The following ARID5B variants were observed in gnomAD, a reference collection of about 807,000 sequenced individuals.
ARID5B encodes AT-rich interactive domain-containing protein 5B.
A neutral mutation model predicts 97.2 loss-of-function variants in ARID5B; 13 were observed. That is an observed-to-expected ratio of 0.13 (90% CI 0.09 to 0.21). The LOEUF (loss-of-function observed/expected upper bound fraction) is 0.21. ARID5B is among the 10% of genes least tolerant of loss of function. The probability of loss-of-function intolerance (pLI) is 1.00; values close to 1 mark genes in which losing one functional copy is unlikely to be tolerated. For missense variants in ARID5B, 1,210 were observed against 1,465.3 expected (o/e 0.83, Z 2.84); for synonymous variants, 556 against 570.3 (o/e 0.97, Z 0.36).
In ARID5B at chr10:61,955,302, G is replaced by A. The variant is rs561923614; in HGVS notation, c.502+14894G>A. On this transcript the variant is annotated intron_variant, in intron 3 of 9. Transcript: ENST00000279873. Reference sequence around the variant, plus strand: ...AGAAAGGGAAAAAACAGGCACAAGTGGAGTACTGGCAATTAAGTGTTTATT... The same window carrying A: ...AGAAAGGGAAAAAACAGGCACAAGTAGAGTACTGGCAATTAAGTGTTTATT... 3.4e-3 allele frequency among the ~76,000 whole-genome samples: 516 copies of A among 152,262 alleles called. 1 individual carries two copies. Among genetic ancestry groups the A allele is most frequent in the South Asian group, 0.01 (50 of 4,824 alleles).
chr10:62,000,667 C>A lies in ARID5B; in HGVS notation c.733+346C>A, dbSNP rs1839065838. 6.6e-6 allele frequency among the ~76,000 whole-genome samples: 1 copy of A among 152,146 alleles called. No homozygotes were observed. Among genetic ancestry groups the A allele is most frequent in the African/African-American group, 2.4e-5 (1 of 41,424 alleles). ...ATGCTTTTTTATTTAACTAGTCACT[C>A]TCTTTTCATTGTTATAAGGTATTGT... On this transcript the variant is annotated intron_variant, in intron 4 of 9. Transcript: ENST00000279873. This position sits in a 1 kb window ranked among gnomAD's most constrained non-coding sequence, Gnocchi z 4.4.
chr10:62,057,016 A>G, intron 5 of ARID5B, 101 bp from the exon 6 acceptor site: 1 of 1,079,308 alleles, frequency 9.3e-7, no homozygotes, highest in South Asian at 1.4e-5. Context: ...GTTCACCCTT[A>G]GCACTCACTG....
At chr10:61,936,382 CCAAGGCAGG>C (rs1160343165) in intron 2 of ARID5B, among the ~76,000 whole-genome samples, 1 of 152,244 alleles carries the variant, frequency 6.6e-6, no homozygotes, top group Non-Finnish European at 1.5e-5. Context: ...CCCTGGGAGG[CCAAGGCAGG>C]CAGATCACCA....
At chr10:61,930,671 G>T (rs1023488559) in intron 2 of ARID5B, among the ~76,000 whole-genome samples, 7 of 151,808 alleles carry the variant, frequency 4.6e-5, no homozygotes, top group African/African-American at 1.7e-4. Flanking sequence ...AGTGAACCGA[G>T]ATGGCACCAC....
intron 4 of ARID5B, chr10:62,025,377 A>G (rs1839407663): frequency 6.6e-6 from 1 of 152,214 alleles, no homozygotes. Context: ...TACTTTGGGC[A>G]GATTTATAAT....
chr10:62,008,714 G>A (rs1047527227), intron 4 of ARID5B, among the ~76,000 whole-genome samples: 6 of 152,188 alleles, frequency 3.9e-5, no homozygotes, highest in Non-Finnish European at 1.5e-5. Context: ...ACCTCCGGTG[G>A]CTTCCCATCT....
chr10:62,070,935 G>A (rs1220629552), intron 8 of ARID5B, among the ~76,000 whole-genome samples: 2 of 151,378 alleles, frequency 1.3e-5, no homozygotes, highest in Non-Finnish European at 2.9e-5. Flanking sequence ...CTAGTACAAA[G>A]TAGCACTGAT....
intron 4 of ARID5B, among the ~76,000 whole-genome samples, chr10:62,024,165 T>C (rs1238020120): frequency 6.6e-6 from 1 of 152,204 alleles, no homozygotes; most frequent in Non-Finnish European, 1.5e-5. Context: ...TACCAGATAA[T>C]CCATGAGGCC....
At chr10:61,971,587 T>C (rs139538596) in intron 3 of ARID5B, among the ~76,000 whole-genome samples, 150 of 152,368 alleles carry the variant, frequency 9.8e-4, no homozygotes, top group African/African-American at 3.4e-3. Flanking sequence ...ATACATGACA[T>C]TTTGCATTTG....
At chr10:61,962,955 T>G (rs1020067032) in intron 3 of ARID5B, among the ~76,000 whole-genome samples, 1 of 152,188 alleles carries the variant, frequency 6.6e-6, no homozygotes, top group Non-Finnish European at 1.5e-5. Flanking sequence ...AGTAGAAACT[T>G]AAGAAATATT....
rs1203302426 is a variant in ARID5B, at chr10:62,056,119, C to T, written c.847-998C>T. Among the ~76,000 whole-genome samples, 7 of 152,132 alleles carry T rather than the reference C, an allele frequency of 4.6e-5. No individual in the cohort carries two copies. The South Asian group carries it at 1.0e-3, about 22-fold the overall frequency. Reference sequence around the variant, plus strand: ...CTCAGCAACTTAGTGTTATATTTAACGACCATCAAAGTCCTCTTGTAGAAC... The same window carrying T: ...CTCAGCAACTTAGTGTTATATTTAATGACCATCAAAGTCCTCTTGTAGAAC... On this transcript the variant is annotated intron_variant, in intron 5 of 9. Transcript: ENST00000279873.
intron 3 of ARID5B, among the ~76,000 whole-genome samples, chr10:61,982,653 T>C (rs562458739): frequency 1.3e-5 from 2 of 152,266 alleles, no homozygotes; most frequent in South Asian, 4.1e-4. Context: ...GGTGGGAAAT[T>C]TGATTGGAAG....
chr10:61,940,730 A>G (rs1589227499), intron 3 of ARID5B, among the ~76,000 whole-genome samples: 1 of 151,604 alleles, frequency 6.6e-6, no homozygotes. Context: ...AATACTTGCT[A>G]TAAGTATGTA....
At chr10:61,999,380 G>A (rs1394839421) in intron 3 of ARID5B, among the ~76,000 whole-genome samples, 1 of 152,160 alleles carries the variant, frequency 6.6e-6, no homozygotes, top group East Asian at 1.9e-4. Flanking sequence ...CTAACCTACT[G>A]AACACATAGC....
chr10:61,956,089 G>A (rs1030188912), intron 3 of ARID5B, among the ~76,000 whole-genome samples: 14 of 152,090 alleles, frequency 9.2e-5, no homozygotes, highest in African/African-American at 3.4e-4. Flanking sequence ...TGACTATATG[G>A]TTTATAACAG....
chr10:62,078,414 A>G (rs949369400), intron 8 of ARID5B, among the ~76,000 whole-genome samples: 1 of 152,226 alleles, frequency 6.6e-6, no homozygotes, highest in African/African-American at 2.4e-5. Context: ...ATCTGAGTCC[A>G]GGAAGTTAAG....
At chr10:61,935,696 C>T (rs955962444) in intron 2 of ARID5B, among the ~76,000 whole-genome samples, 1 of 151,358 alleles carries the variant, frequency 6.6e-6, no homozygotes, top group Non-Finnish European at 1.5e-5. Flanking sequence ...CAGAACTGTA[C>T]ACCAAAAAAG....
chr10:62,058,840 C>A (rs1839888674), intron 6 of ARID5B, among the ~76,000 whole-genome samples: 1 of 152,100 alleles, frequency 6.6e-6, no homozygotes. Context: ...ATGGAGAGTT[C>A]TTATATGAGA....
chr10:61,935,161 C>A (rs1280431782), intron 2 of ARID5B, among the ~76,000 whole-genome samples: 4 of 152,082 alleles, frequency 2.6e-5, no homozygotes, highest in Non-Finnish European at 4.4e-5. Flanking sequence ...ACTTTCTTGG[C>A]ACAACTTGCT....
Sources: gnomAD v4.1 joint callset for allele counts (sites outside exome capture counted in the v4.1 genomes callset) on GRCh38, gnomAD v4.1.1 for gene constraint, Gnocchi (gnomAD v3.1) non-coding constraint, MANE v1.5 for transcripts, NCBI Gene and HGNC (gene_info 2026-07-23, HGNC 2026-07-21) for gene names.